The following PTPRZ1 variants were observed in gnomAD, a reference collection of about 807,000 sequenced individuals.
PTPRZ1 encodes receptor-type tyrosine-protein phosphatase zeta.
Under a neutral mutation model 214.1 loss-of-function variants are expected in PTPRZ1, and 82 were observed. That is an observed-to-expected ratio of 0.38 (90% confidence interval 0.32 to 0.46). The LOEUF (loss-of-function observed/expected upper bound fraction) is 0.46. PTPRZ1 is among the 20% of genes least tolerant of loss of function. PTPRZ1 has a pLI of 1.00. For missense variants in PTPRZ1, 2,603 were observed against 2,748.7 expected, an observed-to-expected ratio of 0.95 and a Z score of 1.19; for synonymous variants, 945 against 987.9, an observed-to-expected ratio of 0.96 and a Z score of 0.81.
rs192261365 is a variant in PTPRZ1 at position 121,999,806 on chromosome 7, C to A, written c.1240+1800C>A. On this transcript the variant is annotated intron_variant, in intron 10 of 29. Coordinates refer to ENST00000393386, the MANE Select transcript of PTPRZ1 (RefSeq NM_002851.3). ...TCTCCATAAGTGATTTCTGAGTGAT[C>A]CTGTTAGACTGACTCTATATTGGCA... is the stretch of plus-strand genomic sequence containing the variant. Among the ~76,000 whole-genome samples the A allele has an allele frequency of 3.9e-5, 6 of 152,062 alleles. No homozygotes were observed. In the East Asian group the frequency reaches 1.2e-3, roughly 29 times the overall value.
intron 1 of PTPRZ1, among the ~76,000 whole-genome samples, chr7:121,904,440 G>A (rs942642597): frequency 6.6e-6 from 1 of 152,080 alleles, no homozygotes; most frequent in African/African-American, 2.4e-5. Context: ...GCAGACATAG[G>A]CCCCCAAAGA....
At chr7:121,888,099 A>G (rs1949784) in intron 1 of PTPRZ1, among the ~76,000 whole-genome samples, 4,789 of 152,190 alleles carry the variant, frequency 0.031, 247 homozygotes, top group African/African-American at 0.11. Flanking sequence ...AGATTTGTAG[A>G]GGAAAACCTA....
intron 9 of PTPRZ1, among the ~76,000 whole-genome samples, chr7:121,997,270 G>GTCC (rs1798171593): frequency 1.3e-5 from 2 of 152,106 alleles, no homozygotes; most frequent in African/African-American, 4.8e-5. Flanking sequence ...GGCACCTAGA[G>GTCC]TCCTGCAAGT....
intron 1 of PTPRZ1, among the ~76,000 whole-genome samples, chr7:121,913,249 T>C (rs1795329912): frequency 6.6e-6 from 1 of 152,180 alleles, no homozygotes; most frequent in Admixed American, 6.6e-5. Context: ...GAGAAATGGC[T>C]GAGCAAAGGC....
chr7:122,034,245 A>C, intron 16 of PTPRZ1, 37 bp from the exon 17 acceptor site: 1 of 1,590,124 alleles, frequency 6.3e-7, no homozygotes, highest in Non-Finnish European at 8.6e-7. Context: ...GTTTGAAAGA[A>C]TGTGTGTTAA....
intron 23 of PTPRZ1, among the ~76,000 whole-genome samples, chr7:122,046,652 A>T (rs1791994772): frequency 6.6e-6 from 1 of 152,140 alleles, no homozygotes; most frequent in Admixed American, 6.5e-5. Flanking sequence ...GAAAGTAGTG[A>T]TGTCATTCAC....
chr7:121,998,575 G>A (rs1798217018), intron 10 of PTPRZ1, among the ~76,000 whole-genome samples: 1 of 151,998 alleles, frequency 6.6e-6, no homozygotes, highest in South Asian at 2.1e-4. Context: ...TTCTACTTGT[G>A]TTTTATTTGC....
intron 17 of PTPRZ1, 89 bp downstream of exon 17, chr7:122,034,467 C>T: frequency 1.7e-6 from 2 of 1,179,894 alleles, no homozygotes; most frequent in Non-Finnish European, 2.5e-6. Flanking sequence ...TGAGAGCTGA[C>T]CTTAGTGTGG....
chr7:121,879,277 A>G (rs1378480829), intron 1 of PTPRZ1, among the ~76,000 whole-genome samples: 1 of 152,216 alleles, frequency 6.6e-6, no homozygotes, highest in Non-Finnish European at 1.5e-5. Flanking sequence ...GGGCCAGAAC[A>G]TCAAGTCAGC....
intron 12 of PTPRZ1, among the ~76,000 whole-genome samples, chr7:122,017,287 A>G (rs963633864): frequency 6.6e-6 from 1 of 152,144 alleles, no homozygotes; most frequent in Non-Finnish European, 1.5e-5. Flanking sequence ...AGATGATTCT[A>G]AATGAGTCTC....
intron 1 of PTPRZ1, among the ~76,000 whole-genome samples, chr7:121,904,851 A>C (rs1795070960): frequency 6.6e-6 from 1 of 152,214 alleles, no homozygotes; most frequent in Non-Finnish European, 1.5e-5. Flanking sequence ...AAATGCAAGC[A>C]CAATTTTGTT....
In PTPRZ1 at chr7:121,983,666, G is replaced by A; in HGVS notation, c.621G>A (p.Gly207=). Residue 207 remains glycine, a splice_region_variant and synonymous_variant, in exon 7 of 30, where the codon GGG becomes GGA. Transcript: ENST00000393386. ...IDGVESVSRF[G]KQAALDPFIL... ...GAGATGTATATTATTCCTTTTTAGG[G>A]AAGCAGGCTGCTTTAGATCCATTCA... is the stretch of plus-strand genomic sequence containing the variant. 1 of 1,606,774 alleles carries A rather than the reference G, an allele frequency of 6.2e-7. No individual in the cohort carries two copies. Among genetic ancestry groups the A allele is most frequent in the Non-Finnish European group, 8.5e-7 (1 of 1,177,054 alleles).
intron 20 of PTPRZ1, 64 bp downstream of exon 20, chr7:122,039,652 TA>T: frequency 6.4e-7 from 1 of 1,566,856 alleles, no homozygotes; most frequent in East Asian, 2.2e-5. Flanking sequence ...TTTAAGTGAA[TA>T]AGCGATAGAA....
chr7:122,027,803 T>C (rs1177651831), intron 13 of PTPRZ1, among the ~76,000 whole-genome samples: 5 of 152,224 alleles, frequency 3.3e-5, no homozygotes, highest in African/African-American at 1.2e-4. Context: ...GGTGATATTG[T>C]AGATCATAGT....
Position 122,013,427 on chromosome 7 carries a change from A to G in PTPRZ1, c.4381A>G (p.Thr1461Ala). 1 of 1,614,194 alleles carries G rather than the reference A, an allele frequency of 6.2e-7. No homozygotes were observed. The highest frequency in any genetic ancestry group is 1.1e-5 in the South Asian group (1 of 91,086). Residue 1461 changes from threonine (T) to alanine (A), a missense_variant, in exon 12 of 30, where the codon ACC (threonine) becomes GCC (alanine). This residue lies in a region of PTPRZ1 where 1,913 missense variants were observed against 1,914.3 expected (regional missense o/e 1.00). Transcript: ENST00000393386. ...GGAAAAGGTAATGAATGATTCAGAC[A>G]CCCACGAAAACAGTCTTATGGATCA... is the stretch of plus-strand genomic sequence containing the variant. ...SQEKVMNDSDTHENSLMDQNN... is the reference protein window; with the variant it reads ...SQEKVMNDSDAHENSLMDQNN...
Position 122,028,592 on chromosome 7 carries a change from A to G in PTPRZ1, c.5029A>G (p.Thr1677Ala). The change falls in exon 14 of 30, where the codon ACA (threonine) becomes GCA (alanine). Residue 1677 changes from threonine to alanine, a missense_variant. This residue lies in a region of PTPRZ1 where 1,913 missense variants were observed against 1,914.3 expected (regional missense o/e 1.00). Coordinates refer to ENST00000393386, the MANE Select transcript of PTPRZ1 (RefSeq NM_002851.3). ...QTAHFYLEDSTSPRVISTPPT... is the reference protein window; with the variant it reads ...QTAHFYLEDSASPRVISTPPT... ...TGCACACTTTTACTTAGAGGACAGT[A>G]CATCCCCTAGAGTTATATCCACACC... is the stretch of plus-strand genomic sequence containing the variant. 6.5e-7 allele frequency: 1 copy of G among 1,549,922 alleles called. No homozygotes were observed. Among genetic ancestry groups the G allele is most frequent in the Non-Finnish European group, 8.9e-7 (1 of 1,121,868 alleles).
intron 1 of PTPRZ1, among the ~76,000 whole-genome samples, chr7:121,907,302 C>G (rs1194196135): frequency 2.0e-5 from 3 of 151,988 alleles, no homozygotes; most frequent in African/African-American, 7.2e-5. Context: ...GAACTACACA[C>G]CCTAATAAAT....
At chr7:121,925,359 A>T (rs1795722764) in intron 1 of PTPRZ1, among the ~76,000 whole-genome samples, 1 of 152,198 alleles carries the variant, frequency 6.6e-6, no homozygotes, top group African/African-American at 2.4e-5. Context: ...TTGAAAAATA[A>T]ATTGTGAGCC....
intron 1 of PTPRZ1, chr7:121,908,360 T>TAGGTGG: frequency 1.6e-5 from 4 of 252,910 alleles, no homozygotes; most frequent in South Asian, 4.1e-5. Flanking sequence ...GATCAATCCC[T>TAGGTGG]TTGGAAAAGA....
Sources: allele counts gnomAD v4.1 joint callset (sites outside exome capture counted in the v4.1 genomes callset), GRCh38; gene constraint gnomAD v4.1.1; regional missense constraint gnomAD v4.1.1; transcripts MANE v1.5; gene names NCBI Gene and HGNC (gene_info 2026-07-23, HGNC 2026-07-21).